The following GNAQ variants were observed in gnomAD, a reference collection of about 807,000 sequenced individuals.
The protein encoded by GNAQ is guanine nucleotide-binding protein G(q) subunit alpha.
A neutral mutation model predicts 43.9 loss-of-function variants in GNAQ; 8 were observed. The observed-to-expected ratio is 0.18, with a 90% CI of 0.11 to 0.33. GNAQ has a LOEUF of 0.33. Ranked by LOEUF, GNAQ falls within the 10% of genes least tolerant of loss-of-function variation. The probability of loss-of-function intolerance (pLI) is 1.00; values close to 1 mark genes in which losing one functional copy is unlikely to be tolerated. For synonymous variants in GNAQ, 155 were observed against 170.7 expected, an observed-to-expected ratio of 0.91 and a Z score of 0.71; for missense variants, 158 against 450.8, an observed-to-expected ratio of 0.35 and a Z score of 5.88.
chr9:77,996,462 G>A (rs142695613), intron 1 of GNAQ, among the ~76,000 whole-genome samples: 3 of 152,024 alleles, frequency 2.0e-5, no homozygotes, highest in Non-Finnish European at 2.9e-5. Context: ...GGCGGATCAC[G>A]AGGTCAGGAA....
chr9:78,016,192 C>T (rs1333108165), intron 1 of GNAQ, among the ~76,000 whole-genome samples: 1 of 152,094 alleles, frequency 6.6e-6, no homozygotes, highest in East Asian at 1.9e-4. Flanking sequence ...ATGGTTTCTT[C>T]CATATGAGAC....
chr9:77,819,195 T>C (rs1486323825), intron 2 of GNAQ, among the ~76,000 whole-genome samples: 1 of 152,116 alleles, frequency 6.6e-6, no homozygotes, highest in Non-Finnish European at 1.5e-5. Flanking sequence ...GGGAACATTG[T>C]GAGAACTAAG....
At chr9:77,848,538 C>G (rs1827622151) in intron 2 of GNAQ, among the ~76,000 whole-genome samples, 3 of 152,198 alleles carry the variant, frequency 2.0e-5, no homozygotes, top group African/African-American at 7.2e-5. Flanking sequence ...GATTCCTGGC[C>G]AACAGCAGAA....
chr9:77,797,567 G>C lies in GNAQ; in HGVS notation c.558C>G (p.Thr186=), dbSNP rs2118455566. The change falls in exon 4 of 7, where the codon ACC becomes ACG. Residue 186 remains threonine (T), a synonymous_variant. Coordinates refer to ENST00000286548, the MANE Select transcript of GNAQ (RefSeq NM_002072.5). ...QQDVLRVRVP[T]TGIIEYPFDL... ...CAAAGGGGTATTCGATGATCCCTGT[G>C]GTGGGGACTCGAACTCTAAGCACAT... is the stretch of plus-strand genomic sequence containing the variant. 1 of 1,612,302 alleles carries C rather than the reference G, an allele frequency of 6.2e-7. No homozygotes were observed. Among genetic ancestry groups the C allele is most frequent in the Non-Finnish European group, 8.5e-7 (1 of 1,178,372 alleles).
intron 1 of GNAQ, among the ~76,000 whole-genome samples, chr9:78,008,483 C>G (rs188865535): frequency 1.3e-5 from 2 of 152,336 alleles, no homozygotes; most frequent in Admixed American, 1.3e-4. Context: ...CCACCCCCAC[C>G]ATCCAACTGG....
intron 6 of GNAQ, among the ~76,000 whole-genome samples, chr9:77,727,588 ATGG>A (rs1394167260): frequency 6.6e-6 from 1 of 152,192 alleles, no homozygotes; most frequent in Non-Finnish European, 1.5e-5. Flanking sequence ...ACTATTAGTA[ATGG>A]TGGTGGGACT....
At chr9:77,732,382 C>A (rs1298897153) in intron 5 of GNAQ, among the ~76,000 whole-genome samples, 5 of 151,878 alleles carry the variant, frequency 3.3e-5, no homozygotes, top group African/African-American at 1.2e-4. Context: ...TGCCCACCCC[C>A]ACCGAGATGG....
intron 1 of GNAQ, among the ~76,000 whole-genome samples, chr9:77,952,445 A>G (rs1822993298): frequency 6.6e-6 from 1 of 152,236 alleles, no homozygotes; most frequent in African/African-American, 2.4e-5. Context: ...TAACAAAAAT[A>G]TTGATGACAC....
chr9:77,841,776 T>A (rs74398421), intron 2 of GNAQ, among the ~76,000 whole-genome samples: 1 of 152,180 alleles, frequency 6.6e-6, no homozygotes, highest in East Asian at 1.9e-4. Context: ...AGACTCTGAC[T>A]AGACACCATC....
At chr9:77,870,562 G>A (rs1316413578) in intron 2 of GNAQ, among the ~76,000 whole-genome samples, 3 of 151,740 alleles carry the variant, frequency 2.0e-5, no homozygotes, top group Non-Finnish European at 2.9e-5. Flanking sequence ...TCCTGGTCTC[G>A]TGATCCGCCC....
At chr9:77,955,486 T>C (rs2118396161) in intron 1 of GNAQ, among the ~76,000 whole-genome samples, 1 of 152,300 alleles carries the variant, frequency 6.6e-6, no homozygotes, top group Non-Finnish European at 1.5e-5. Flanking sequence ...AATAGGAAAG[T>C]TATATAACTG....
At chr9:77,836,446 A>T (rs1357113546) in intron 2 of GNAQ, among the ~76,000 whole-genome samples, 1 of 152,226 alleles carries the variant, frequency 6.6e-6, no homozygotes, top group African/African-American at 2.4e-5. Context: ...AGGTAATCTT[A>T]TTCGGTTTGA....
chr9:77,939,496 A>T (rs1829283927), intron 1 of GNAQ, among the ~76,000 whole-genome samples: 1 of 152,222 alleles, frequency 6.6e-6, no homozygotes, highest in Non-Finnish European at 1.5e-5. Context: ...TAAACTCATA[A>T]ATTTCACCAC....
rs186099908 is a variant in GNAQ at position 77,987,317 on chromosome 9, C to A, written c.136+43783G>T. Among the ~76,000 whole-genome samples the A allele has an allele frequency of 7.8e-4, 118 of 151,948 alleles. 1 individual carries two copies. The highest frequency in any genetic ancestry group is 2.6e-3 in the African/African-American group (106 of 41,392). On this transcript the variant is annotated intron_variant, in intron 1 of 6. Transcript: ENST00000286548. ...TCTGGGTGCTTGCTTTCAAGGACTT[C>A]TGAAATGGTAGGAGTCAGTTAGACC... is the stretch of plus-strand genomic sequence containing the variant.
chr9:77,980,352 A>C (rs923354683), intron 1 of GNAQ, among the ~76,000 whole-genome samples: 2 of 152,202 alleles, frequency 1.3e-5, no homozygotes, highest in Admixed American at 6.5e-5. Flanking sequence ...ACTGAGCATC[A>C]AGCTGTAGTA....
chr9:77,944,329 C>T (rs1279165360), intron 1 of GNAQ, among the ~76,000 whole-genome samples: 2 of 151,584 alleles, frequency 1.3e-5, no homozygotes, highest in African/African-American at 4.9e-5. Context: ...GATCACCTGG[C>T]TCCATCAAAC....
intron 5 of GNAQ, among the ~76,000 whole-genome samples, chr9:77,765,313 A>G (rs1173373727): frequency 6.6e-6 from 1 of 152,228 alleles, no homozygotes; most frequent in Non-Finnish European, 1.5e-5. Flanking sequence ...TAATAATTTA[A>G]AAACGGATAT....
chr9:77,761,190 GTGAGGGGCGC>G (rs1826007444), intron 5 of GNAQ, among the ~76,000 whole-genome samples: 3 of 146,168 alleles, frequency 2.1e-5, no homozygotes, highest in African/African-American at 7.6e-5. Context: ...CGCCCGGCCA[GTGAGGGGCGC>G]CTCTGCCCAG....
At chr9:77,886,587 T>C (rs1053613378) in intron 2 of GNAQ, among the ~76,000 whole-genome samples, 7 of 152,150 alleles carry the variant, frequency 4.6e-5, no homozygotes, top group Admixed American at 3.9e-4. Context: ...TTTTGGTTAG[T>C]AGGACAAATT....
Sources: allele counts gnomAD v4.1 joint callset (sites outside exome capture counted in the v4.1 genomes callset), GRCh38; gene constraint gnomAD v4.1.1; transcripts MANE v1.5; gene names NCBI Gene and HGNC (gene_info 2026-07-23, HGNC 2026-07-21).